WDR35: variants seen among roughly 807,000 people sequenced by gnomAD.
WDR35 encodes the protein WD repeat-containing protein 35.
Under a neutral mutation model 158.3 loss-of-function variants are expected in WDR35, and 118 were observed. The ratio of observed to expected loss-of-function variants is 0.75; its 90% confidence interval spans 0.64 to 0.87. The LOEUF is 0.87. WDR35 is among the 40% of genes least tolerant of loss of function. The pLI is 0.00. For missense variants in WDR35, 1,263 were observed against 1,405.8 expected, an observed-to-expected ratio of 0.90 and a Z score of 1.62; for synonymous variants, 448 against 476.1, an observed-to-expected ratio of 0.94 and a Z score of 0.77.
chr2:19,916,521 G>C (rs1389209532), intron 25 of WDR35, among the ~76,000 whole-genome samples: 1 of 152,198 alleles, frequency 6.6e-6, no homozygotes, highest in Non-Finnish European at 1.5e-5. Flanking sequence ...ACAGCAGTTT[G>C]AGCTAACCTG....
chr2:19,969,666 C>A (rs964722887), intron 8 of WDR35, 61 bp from the exon 9 acceptor site: 4 of 1,547,828 alleles, frequency 2.6e-6, no homozygotes, highest in Non-Finnish European at 2.7e-6. Flanking sequence ...CAAATTACCA[C>A]CAATCACTTC....
In WDR35 at chr2:19,933,463, TCACTGCTTGTTCACA is replaced by T. The variant is rs1670590612; in HGVS notation, c.2581_2595del (p.Cys861_Val865del). 6.2e-7 allele frequency: 1 copy of T among 1,613,986 alleles called. No homozygotes were observed. The highest frequency in any genetic ancestry group is 8.5e-7 in the Non-Finnish European group (1 of 1,179,964). On this transcript the variant is annotated inframe_deletion, in exon 22 of 27. Transcript: ENST00000281405. ...GGTTGACTACATTTCAAAAATGCAG[TCACTGCTTGTTCACA>T]CATTCCAACTCTGACAAACATTTGT...
rs530912181 is a variant in WDR35 at position 19,915,827 on chromosome 2, G to A, written c.3122-1550C>T. Among the ~76,000 whole-genome samples the A allele has an allele frequency of 5.5e-4, 83 of 150,948 alleles. No homozygotes were observed. In the South Asian group the frequency reaches 0.016, roughly 28 times the overall value. On this transcript the variant is annotated intron_variant, in intron 25 of 26. Coordinates refer to ENST00000281405, the MANE Select transcript of WDR35 (RefSeq NM_020779.4). ...AAATATCACATGTTCTCACTCATAT[G>A]TGAGATCTAAAAAAGTTGACCTCGT...
At chr2:19,980,944 A>T (rs533036023) in intron 3 of WDR35, among the ~76,000 whole-genome samples, 161 bp from the exon 4 acceptor site, 1 of 152,328 alleles carries the variant, frequency 6.6e-6, no homozygotes, top group South Asian at 2.1e-4. Flanking sequence ...GCAGTTATTG[A>T]TATCACTAAT....
chr2:19,947,827 G>T (rs532058383), intron 14 of WDR35, among the ~76,000 whole-genome samples: 1 of 152,258 alleles, frequency 6.6e-6, no homozygotes, highest in Non-Finnish European at 1.5e-5. Context: ...GGTCATCCCT[G>T]TACTGCTTTC....
At chr2:19,946,038 T>C (rs764599381) in intron 15 of WDR35, 42 bp from the exon 16 acceptor site, 2 of 1,579,720 alleles carry the variant, frequency 1.3e-6, no homozygotes, top group African/African-American at 1.4e-5. Flanking sequence ...AACTATAAAA[T>C]TACTATCAGC....
At chr2:19,986,211 G>A (rs1460438131) in intron 2 of WDR35, among the ~76,000 whole-genome samples, 1 of 152,174 alleles carries the variant, frequency 6.6e-6, no homozygotes, top group Non-Finnish European at 1.5e-5. Context: ...AAAGAGATTT[G>A]GAAGAATATC....
At chr2:19,962,354 A>G (rs1671690636) in intron 10 of WDR35, 1 of 1,611,820 alleles carries the variant, frequency 6.2e-7, no homozygotes, top group Non-Finnish European at 8.5e-7. Flanking sequence ...AAATGACAGG[A>G]GAAATTCAGA....
At position 19,966,879 on chromosome 2, in the gene WDR35, C is replaced by T; in HGVS notation, c.1039G>A (p.Ala347Thr). 6.2e-7 allele frequency: 1 copy of T among 1,613,760 alleles called. No individual in the cohort carries two copies. Among genetic ancestry groups the T allele is most frequent in the African/African-American group, 1.3e-5 (1 of 74,984 alleles). ...WGYCSNTVVY[A>T]YTRPDRPEYC... ...TCTGGACGATCAGGTCTGGTATATGCATAAACTACAGTGTTTGAGCAATAA... is the reference window on the plus strand; with the variant it reads ...TCTGGACGATCAGGTCTGGTATATGTATAAACTACAGTGTTTGAGCAATAA... The change falls in exon 10 of 27, where the codon GCA becomes ACA. Residue 347 changes from alanine (A) to threonine (T), a missense_variant. By Grantham distance (58) the Ala-to-Thr change is moderately conservative. Transcript: ENST00000281405.
chr2:19,966,709 T>A lies in WDR35; in HGVS notation c.1194+15A>T, dbSNP rs200922242. ...GTTAGCCCAGCTATGTCTTAAGATA[T>A]CAAGAAACACCTACCTGAGGATGAT... On this transcript the variant is annotated intron_variant, in intron 10 of 26. Coordinates refer to ENST00000281405, the MANE Select transcript of WDR35 (RefSeq NM_020779.4). 1.2e-6 allele frequency: 2 copies of A among 1,613,016 alleles called. No individual in the cohort carries two copies. The highest frequency in any genetic ancestry group is 4.5e-5 in the East Asian group (2 of 44,808).
At chr2:19,913,917 T>A in intron 26 of WDR35, 120 bp downstream of exon 26, 1 of 1,481,904 alleles carries the variant, frequency 6.7e-7, no homozygotes, top group South Asian at 1.2e-5. Context: ...AAATAGGGTA[T>A]AATGTTAATG....
At position 19,911,911 on chromosome 2, in the gene WDR35, A is replaced by G. The variant is rs1390066788; in HGVS notation, c.*1647T>C. ...TGACTGCTCAGCAGACTAATAGGCA[A>G]GCTATTGCTGTGGTGAAGTGTACTT... On this transcript the variant is annotated 3_prime_UTR_variant, in exon 27 of 27. Coordinates refer to ENST00000281405, the MANE Select transcript of WDR35 (RefSeq NM_020779.4). The G allele has an allele frequency of 6.6e-6, 1 of 152,252 alleles. No homozygotes were observed. Among genetic ancestry groups the G allele is most frequent in the Non-Finnish European group, 1.5e-5 (1 of 68,054 alleles). 9.4% of individuals were successfully genotyped at this position (152,252 alleles called of 1,614,324 possible). A position where few individuals can be genotyped will look rare whatever the true frequency, so the allele number is the denominator to read the frequency against.
Position 19,913,595 on chromosome 2 carries a change from T to C in WDR35, c.3476A>G (p.Tyr1159Cys). The C allele has an allele frequency of 1.2e-6, 2 of 1,614,134 alleles. No individual in the cohort carries two copies. The highest frequency in any genetic ancestry group is 1.7e-6 in the Non-Finnish European group (2 of 1,179,980). The change falls in exon 27 of 27, where the codon TAC becomes TGC. Residue 1159 changes from tyrosine to cysteine, a missense_variant. Coordinates refer to ENST00000281405, the MANE Select transcript of WDR35 (RefSeq NM_020779.4). ...ACTATGGCATAAGGGGCAGAAGCTG[T>C]AGTGGCTTATTTCCTGAGCAAGGAC... ...HGVLAQEISH[Y>C]SFCPLCHSPV... is the part of the protein sequence containing the mutation.
At position 19,948,169 on chromosome 2, in the gene WDR35, T is replaced by A. The variant is rs1373763870; in HGVS notation, c.1519A>T (p.Ile507Phe). 2 of 1,607,808 alleles carry A rather than the reference T, an allele frequency of 1.2e-6. No individual in the cohort carries two copies. Among genetic ancestry groups the A allele is most frequent in the Non-Finnish European group, 1.7e-6 (2 of 1,177,784 alleles). Residue 507 changes from isoleucine (I) to phenylalanine (F), a missense_variant, in exon 14 of 27, where the codon ATT (isoleucine) becomes TTT (phenylalanine). Physicochemically the swap from Ile to Phe is conservative, Grantham distance 21 (BLOSUM62 0). Transcript: ENST00000281405. ...CAITASDKILIVGRESGTIQR... is the reference protein window; with the variant it reads ...CAITASDKILFVGRESGTIQR... ...TAAGTTTTTGCAAAACTTACCACAA[T>A]CAATATCTTATCTGATGCAGTTATG...
Position 19,930,381 on chromosome 2 carries a change from A to G in WDR35, c.3121+15T>C. On this transcript the variant is annotated intron_variant, in intron 25 of 26. Transcript: ENST00000281405. ...AATTTTCAGACATACTATACACATT[A>G]GGTGACATGCCCACCTGTCTTCAGT... The G allele has an allele frequency of 6.2e-7, 1 of 1,614,178 alleles. No individual in the cohort carries two copies. Among genetic ancestry groups the G allele is most frequent in the Non-Finnish European group, 8.5e-7 (1 of 1,180,022 alleles).
Position 19,932,447 on chromosome 2 carries a change from A to G in WDR35, c.2659T>C (p.Trp887Arg). The G allele has an allele frequency of 1.2e-6, 2 of 1,613,220 alleles. No individual in the cohort carries two copies. Among genetic ancestry groups the G allele is most frequent in the Non-Finnish European group, 1.7e-6 (2 of 1,179,480 alleles). ...AVDTCVHLNQ[W>R]NKAVELAKNH... Reference sequence around the variant, plus strand: ...TTAGCCAATTCAACAGCTTTGTTCCACTAGGAGAAAAATTACACCATTCAG... The same window carrying G: ...TTAGCCAATTCAACAGCTTTGTTCCGCTAGGAGAAAAATTACACCATTCAG... Residue 887 changes from tryptophan to arginine, a missense_variant and splice_region_variant, in exon 23 of 27, where the codon TGG becomes CGG. By Grantham distance (101) the Trp-to-Arg change is moderately radical. Transcript: ENST00000281405.
intron 20 of WDR35, 49 bp downstream of exon 20, chr2:19,936,170 C>A: frequency 1.2e-6 from 2 of 1,612,658 alleles, no homozygotes; most frequent in Non-Finnish European, 1.7e-6. Context: ...ACTCAGGCAG[C>A]TACTAAGTGT....
chr2:19,930,253 A>C lies in WDR35; in HGVS notation c.3121+143T>G, dbSNP rs944456073. ...ATTAAAAAAAACTTCAAAAATGGGA[A>C]TGCATAAGACTCAAACATAGGAAAA... On this transcript the variant is annotated intron_variant, in intron 25 of 26. Coordinates refer to ENST00000281405, the MANE Select transcript of WDR35 (RefSeq NM_020779.4). 2.5e-6 allele frequency: 3 copies of C among 1,201,336 alleles called. No homozygotes were observed. In the African/African-American group the frequency reaches 4.6e-5, roughly 18 times the overall value. The allele number at this position is 1,201,336 out of a possible 1,614,324, so 74.4% of individuals were successfully genotyped here.
Position 19,945,934 on chromosome 2 carries a change from G to A in WDR35, c.1697C>T (p.Thr566Met), listed in dbSNP as rs780159239. Residue 566 changes from threonine (T) to methionine (M), a missense_variant, in exon 16 of 27, where the codon ACG becomes ATG. Coordinates refer to ENST00000281405, the MANE Select transcript of WDR35 (RefSeq NM_020779.4). ...LTFFDLDARV[T>M]DSTGQQVVGE... ...AACTACTTGCTGTCCCGTACTGTCC[G>A]TTACTCGAGCATCCAAGTCAAAGAA... 31 of 1,613,708 alleles carry A rather than the reference G, an allele frequency of 1.9e-5. No homozygotes were observed. The highest frequency in any genetic ancestry group is 2.4e-5 in the Non-Finnish European group (28 of 1,179,850).
Sources: allele counts gnomAD v4.1 joint callset (sites outside exome capture counted in the v4.1 genomes callset), GRCh38; gene constraint gnomAD v4.1.1; transcripts MANE v1.5; gene names NCBI Gene and HGNC (gene_info 2026-07-23, HGNC 2026-07-21).